The following SLC7A1 variants were observed in gnomAD, a reference collection of about 807,000 sequenced individuals.
The protein encoded by SLC7A1 is solute carrier family 7 member 1, also known as high affinity cationic amino acid transporter 1.
Under a neutral mutation model 53.9 loss-of-function variants are expected in SLC7A1, and 10 were observed. The observed-to-expected ratio is 0.19, with a 90% confidence interval of 0.11 to 0.31. The LOEUF is 0.31. Among genes scored for constraint, SLC7A1 ranks in the 10% least tolerant of loss-of-function variants. The probability of loss-of-function intolerance (pLI) is 1.00; values close to 1 mark genes in which losing one functional copy is unlikely to be tolerated. For missense variants in SLC7A1, 525 were observed against 827.2 expected, an observed-to-expected ratio of 0.63 and a Z score of 4.48; for synonymous variants, 342 against 338.7, an observed-to-expected ratio of 1.01 and a Z score of -0.11.
At chr13:29,542,687 A>G (rs1224692736) in intron 2 of SLC7A1, among the ~76,000 whole-genome samples, 1 of 151,668 alleles carries the variant, frequency 6.6e-6, no homozygotes, top group African/African-American at 2.4e-5. Context: ...GTTTCAAAAA[A>G]AAAAAAAAGA....
chr13:29,586,294 A>G (rs1439395187), intron 1 of SLC7A1, among the ~76,000 whole-genome samples: 1 of 152,258 alleles, frequency 6.6e-6, no homozygotes, highest in Non-Finnish European at 1.5e-5. Flanking sequence ...ACATTAGCTC[A>G]AAGACATTCC....
chr13:29,593,836 G>A (rs535264365), intron 1 of SLC7A1, among the ~76,000 whole-genome samples: 15 of 151,970 alleles, frequency 9.9e-5, no homozygotes, highest in African/African-American at 3.1e-4. Context: ...ACCCAGACAA[G>A]GGAGTACATT....
intron 1 of SLC7A1, 106 bp downstream of exon 1, chr13:29,595,310 C>G (rs1034988234): frequency 6.6e-6 from 1 of 151,752 alleles, no homozygotes; most frequent in Admixed American, 6.6e-5. Flanking sequence ...GGGGCCCTCG[C>G]CACTCCCGCG....
At chr13:29,583,102 T>C (rs73454235) in intron 1 of SLC7A1, among the ~76,000 whole-genome samples, 13,738 of 152,254 alleles carry the variant, frequency 0.09, 1,307 homozygotes, top group African/African-American at 0.24. Flanking sequence ...CTTGCATCTT[T>C]AGGTGCAGGT....
chr13:29,586,543 C>T (rs181851156), intron 1 of SLC7A1, among the ~76,000 whole-genome samples: 253 of 152,246 alleles, frequency 1.7e-3, no homozygotes, highest in Non-Finnish European at 2.1e-3. Flanking sequence ...TCTTTGAAAA[C>T]GCCATTCTTA....
intron 2 of SLC7A1, among the ~76,000 whole-genome samples, chr13:29,546,983 T>C (rs1244336467): frequency 6.6e-6 from 1 of 152,136 alleles, no homozygotes; most frequent in African/African-American, 2.4e-5. Flanking sequence ...TGGCAGATTA[T>C]ATTGCCTGCT....
At chr13:29,516,670 A>C (rs761945021) in intron 11 of SLC7A1, among the ~76,000 whole-genome samples, 1 of 152,230 alleles carries the variant, frequency 6.6e-6, no homozygotes, top group Non-Finnish European at 1.5e-5. Flanking sequence ...ACTTGAGCAG[A>C]CATTTACGAG....
intron 1 of SLC7A1, among the ~76,000 whole-genome samples, chr13:29,592,225 G>A (rs1426457809): frequency 6.6e-6 from 1 of 152,152 alleles, no homozygotes; most frequent in Non-Finnish European, 1.5e-5. Context: ...GTTATCCAGT[G>A]TGTTCACCAA....
intron 1 of SLC7A1, among the ~76,000 whole-genome samples, chr13:29,572,961 C>T (rs1871262566): frequency 6.6e-6 from 1 of 152,142 alleles, no homozygotes; most frequent in Non-Finnish European, 1.5e-5. Context: ...GACAGAAGCT[C>T]AAAGCTGTCA....
chr13:29,530,796 G>C (rs937131979), intron 4 of SLC7A1, 84 bp from the exon 5 acceptor site: 34 of 1,125,724 alleles, frequency 3.0e-5, no homozygotes, highest in Non-Finnish European at 4.0e-5. Flanking sequence ...ATAAGAAGGC[G>C]ACTGAAAAAG....
chr13:29,544,498 A>G (rs926059118), intron 2 of SLC7A1, among the ~76,000 whole-genome samples: 1 of 152,178 alleles, frequency 6.6e-6, no homozygotes, highest in Admixed American at 6.5e-5. Flanking sequence ...GGTAGGCAAT[A>G]CTTTGCATTC....
In SLC7A1 at chr13:29,511,833, G is replaced by A. The variant is rs1370228213; in HGVS notation, c.*2647C>T. The A allele has an allele frequency of 1.3e-5, 2 of 152,212 alleles. No individual in the cohort carries two copies. The highest frequency in any genetic ancestry group is 2.1e-4 in the South Asian group (1 of 4,830). 9.4% of individuals were successfully genotyped at this position (152,212 alleles called of 1,614,324 possible). ...TGTGGGTATTTGTGGCTGGTGCACA[G>A]ATAAAAGTAGACACAATACTCCTTG... On this transcript the variant is annotated 3_prime_UTR_variant, in exon 13 of 13. Transcript: ENST00000380752.
At position 29,535,967 on chromosome 13, in the gene SLC7A1, C is replaced by T. The variant is rs36125077; in HGVS notation, c.222G>A (p.Ala74=). 507 of 1,614,178 alleles carry T rather than the reference C, an allele frequency of 3.1e-4. No individual in the cohort carries two copies. The African/African-American group carries it at 5.0e-3, about 16-fold the overall frequency. ...ACAGGCCAGCCAGCACTGAGGCCAGCGCAGCGATCAGGAAGGAGATGACAA... is the reference window on the plus strand; with the variant it reads ...ACAGGCCAGCCAGCACTGAGGCCAGTGCAGCGATCAGGAAGGAGATGACAA... ...PAIVISFLIA[A]LASVLAGLCY... The change falls in exon 3 of 13, where the codon GCG becomes GCA. Residue 74 remains alanine (A), a synonymous_variant. Coordinates refer to ENST00000380752, the MANE Select transcript of SLC7A1 (RefSeq NM_003045.5).
intron 1 of SLC7A1, among the ~76,000 whole-genome samples, chr13:29,568,808 T>C (rs1426999316): frequency 1.3e-5 from 2 of 152,224 alleles, no homozygotes; most frequent in Non-Finnish European, 2.9e-5. Flanking sequence ...CCTGGCCCTG[T>C]AGACCACTTG....
chr13:29,528,076 G>A (rs773341620), intron 5 of SLC7A1, among the ~76,000 whole-genome samples: 2 of 152,330 alleles, frequency 1.3e-5, no homozygotes, highest in South Asian at 2.1e-4. Context: ...TCTCCATCCC[G>A]CTGACTGGAG....
At chr13:29,575,613 C>T (rs1856240832) in intron 1 of SLC7A1, among the ~76,000 whole-genome samples, 1 of 152,290 alleles carries the variant, frequency 6.6e-6, no homozygotes, top group East Asian at 1.9e-4. Flanking sequence ...CCCCGAATCC[C>T]GTAAAATATC....
chr13:29,540,266 A>G (rs2139113006), intron 2 of SLC7A1, among the ~76,000 whole-genome samples: 1 of 152,278 alleles, frequency 6.6e-6, no homozygotes. Context: ...ACAACAGTTG[A>G]TGCCTCCTTT....
intron 2 of SLC7A1, among the ~76,000 whole-genome samples, chr13:29,545,343 C>T (rs374494230): frequency 6.6e-6 from 1 of 152,164 alleles, no homozygotes; most frequent in East Asian, 1.9e-4. Context: ...AGACTATCGC[C>T]CCCATGCCAC....
rs569315051 is a variant in SLC7A1, at chr13:29,585,106, G to T, written c.-115+10310C>A. Among the ~76,000 whole-genome samples, 91 of 152,292 alleles carry T rather than the reference G, an allele frequency of 6.0e-4. No individual in the cohort carries two copies. In the South Asian group the frequency reaches 0.017, roughly 29 times the overall value. ...CAGTATGCAAAAGCAAACCACACTG[G>T]GGAATTCACACAGGTCTGCCCTGAA... On this transcript the variant is annotated intron_variant, in intron 1 of 12. Transcript: ENST00000380752.
Sources: gnomAD v4.1 joint callset for allele counts (sites outside exome capture counted in the v4.1 genomes callset) on GRCh38, gnomAD v4.1.1 for gene constraint, MANE v1.5 for transcripts, NCBI Gene and HGNC (gene_info 2026-07-23, HGNC 2026-07-21) for gene names.